DLG1: variants seen among roughly 807,000 people sequenced by gnomAD.
DLG1 encodes disks large homolog 1.
In DLG1, 42 loss-of-function variants were observed where a neutral mutation model predicts 123.4. The observed-to-expected ratio is 0.34, with a 90% CI of 0.27 to 0.44. The LOEUF (loss-of-function observed/expected upper bound fraction) is 0.44. Among genes scored for constraint, DLG1 ranks in the 20% least tolerant of loss-of-function variants. DLG1 has a pLI of 1.00. For missense variants in DLG1, 942 were observed against 1,082.6 expected (o/e 0.87, Z 1.82); for synonymous variants, 317 against 356.2 (o/e 0.89, Z 1.24).
intron 4 of DLG1, among the ~76,000 whole-genome samples, chr3:197,206,982 G>GA (rs1269902870): frequency 1.3e-5 from 2 of 152,178 alleles, no homozygotes; most frequent in African/African-American, 4.8e-5. Flanking sequence ...TTTCAAGTAG[G>GA]ACCTGCCACC....
At chr3:197,247,232 C>T (rs1475317276) in intron 4 of DLG1, among the ~76,000 whole-genome samples, 1 of 152,178 alleles carries the variant, frequency 6.6e-6, no homozygotes, top group African/African-American at 2.4e-5. Flanking sequence ...ACTGTTTTAT[C>T]TCACGCTGGA....
chr3:197,101,322 A>C (rs1560668703), intron 14 of DLG1, among the ~76,000 whole-genome samples: 1 of 152,230 alleles, frequency 6.6e-6, no homozygotes, highest in African/African-American at 2.4e-5. Context: ...AAAAGAGTGA[A>C]TAAACATAAC....
In DLG1 at chr3:197,149,765, T is replaced by C. The variant is rs750566095; in HGVS notation, c.515A>G (p.Asp172Gly). 7.5e-6 allele frequency: 12 copies of C among 1,602,976 alleles called. No individual in the cohort carries two copies. The highest frequency in any genetic ancestry group is 5.1e-6 in the Non-Finnish European group (6 of 1,170,986). ...ANPPPVLVNT[D>G]SLETPTYVNG... ...TACGTAAGTTGGTGTTTCCAAGCTA[T>C]CTGTGTTGACCAGTACTGGGGGAGG... Residue 172 changes from aspartate to glycine, a missense_variant, in exon 6 of 25, where the codon GAT (aspartate) becomes GGT (glycine). By Grantham distance (94) the Asp-to-Gly change is moderately conservative. Coordinates refer to ENST00000667157, the MANE Select transcript of DLG1 (RefSeq NM_001366207.1).
chr3:197,162,139 T>C (rs1179037606), intron 5 of DLG1, among the ~76,000 whole-genome samples: 2 of 152,202 alleles, frequency 1.3e-5, no homozygotes, highest in Non-Finnish European at 2.9e-5. Context: ...AGTAATTTTA[T>C]TAGCCCAATC....
intron 6 of DLG1, among the ~76,000 whole-genome samples, chr3:197,146,018 A>T (rs71323790): frequency 2.0e-5 from 3 of 150,302 alleles, no homozygotes; most frequent in African/African-American, 4.9e-5. Flanking sequence ...ATAAATAAAT[A>T]AAATAAAATA....
At chr3:197,291,676 GATTCAGA>G (rs1413692309) in intron 3 of DLG1, among the ~76,000 whole-genome samples, 1 of 152,186 alleles carries the variant, frequency 6.6e-6, no homozygotes, top group Non-Finnish European at 1.5e-5. Context: ...AGTATCTATG[GATTCAGA>G]TTAGTTGAGT....
At chr3:197,229,043 G>C (rs1216688574) in intron 4 of DLG1, among the ~76,000 whole-genome samples, 1 of 152,160 alleles carries the variant, frequency 6.6e-6, no homozygotes, top group Non-Finnish European at 1.5e-5. Context: ...GGCAATGTCT[G>C]CTGCCCAATC....
intron 12 of DLG1, among the ~76,000 whole-genome samples, chr3:197,118,914 G>A (rs1181836365): frequency 2.0e-5 from 3 of 152,102 alleles, no homozygotes; most frequent in Non-Finnish European, 4.4e-5. Context: ...AGATACGGGA[G>A]GATAGCTTGA....
chr3:197,289,449 T>A (rs554231905), intron 3 of DLG1, among the ~76,000 whole-genome samples: 13 of 152,230 alleles, frequency 8.5e-5, no homozygotes, highest in Non-Finnish European at 1.2e-4. Flanking sequence ...GTATTTTACA[T>A]ATAATAATCT....
At chr3:197,168,809 G>T (rs1300481800) in intron 5 of DLG1, among the ~76,000 whole-genome samples, 1 of 152,138 alleles carries the variant, frequency 6.6e-6, no homozygotes, top group Non-Finnish European at 1.5e-5. Context: ...AACGGTCTCA[G>T]TTGTTTCTAT....
chr3:197,073,628 T>A (rs1271191621), intron 18 of DLG1, among the ~76,000 whole-genome samples: 3 of 152,190 alleles, frequency 2.0e-5, no homozygotes, highest in Middle Eastern at 3.2e-3. Context: ...CTCACTGTTT[T>A]CTCTACTGTT....
intron 5 of DLG1, among the ~76,000 whole-genome samples, chr3:197,194,072 T>C (rs182119163): frequency 8.5e-5 from 13 of 152,256 alleles, no homozygotes; most frequent in Admixed American, 4.6e-4. Flanking sequence ...TCCACCCACC[T>C]CAGCCTTCCA....
chr3:197,071,569 A>G (rs772847737), intron 18 of DLG1, among the ~76,000 whole-genome samples: 2 of 152,184 alleles, frequency 1.3e-5, no homozygotes, highest in Admixed American at 6.5e-5. Flanking sequence ...TAGCGTCATC[A>G]TAATTGTTTG....
rs1722461452 is a variant in DLG1 at position 197,045,651 on chromosome 3, G to A, written c.2576-922C>T. Among the ~76,000 whole-genome samples, 3 of 152,122 alleles carry A rather than the reference G, an allele frequency of 2.0e-5. No homozygotes were observed. In the East Asian group the frequency reaches 5.8e-4, roughly 29 times the overall value. On this transcript the variant is annotated intron_variant, in intron 24 of 24. Coordinates refer to ENST00000667157, the MANE Select transcript of DLG1 (RefSeq NM_001366207.1). Reference sequence around the variant, plus strand: ...GGCTACTTGGGAGGCTGAGACAGGAGGATGATCTCTTGAGCCCAGGAGTTC... The same window carrying A: ...GGCTACTTGGGAGGCTGAGACAGGAAGATGATCTCTTGAGCCCAGGAGTTC...
At chr3:197,216,228 A>G (rs899846341) in intron 4 of DLG1, among the ~76,000 whole-genome samples, 2 of 152,226 alleles carry the variant, frequency 1.3e-5, no homozygotes, top group Non-Finnish European at 2.9e-5. Context: ...CATCCTTCAG[A>G]CACCAACTTG....
intron 4 of DLG1, among the ~76,000 whole-genome samples, chr3:197,198,942 G>A (rs143036162): frequency 0.01 from 1,554 of 152,242 alleles, 30 homozygotes; most frequent in African/African-American, 0.035. Context: ...TAATGGATAT[G>A]GAATTTCTTT....
intron 5 of DLG1, among the ~76,000 whole-genome samples, chr3:197,165,475 A>G (rs1225988487): frequency 6.6e-6 from 1 of 152,234 alleles, no homozygotes; most frequent in Non-Finnish European, 1.5e-5. Context: ...ACTTAATGCC[A>G]CTGAATTGTA....
At chr3:197,158,676 G>A (rs1220970331) in intron 5 of DLG1, among the ~76,000 whole-genome samples, 1 of 69,654 alleles carries the variant, frequency 1.4e-5, no homozygotes, top group Admixed American at 1.4e-4. Context: ...GCAGTATGAT[G>A]CTCTGCTCTG....
chr3:197,101,143 C>G (rs1168826661), intron 14 of DLG1, among the ~76,000 whole-genome samples: 1 of 152,040 alleles, frequency 6.6e-6, no homozygotes, highest in Non-Finnish European at 1.5e-5. Flanking sequence ...ACTGAACATA[C>G]AAGGGTGGAG....
Sources: gnomAD v4.1 joint callset for allele counts (sites outside exome capture counted in the v4.1 genomes callset) on GRCh38, gnomAD v4.1.1 for gene constraint, MANE v1.5 for transcripts, NCBI Gene and HGNC (gene_info 2026-07-23, HGNC 2026-07-21) for gene names.